The following LPAR1 variants were observed in gnomAD, a reference collection of about 807,000 sequenced individuals.
LPAR1 encodes the protein lysophosphatidic acid receptor 1, also known as LPA receptor 1.
In LPAR1, 5 loss-of-function variants were observed where a neutral mutation model predicts 23.8. That is an observed-to-expected ratio of 0.21 (90% CI 0.11 to 0.44). The LOEUF (loss-of-function observed/expected upper bound fraction) is 0.44. LPAR1 is among the 20% of genes least tolerant of loss of function. The probability of loss-of-function intolerance (pLI) is 0.99; values close to 1 mark genes in which losing one functional copy is unlikely to be tolerated. For synonymous variants in LPAR1, 160 were observed against 164.7 expected (o/e 0.97, Z 0.22); for missense variants, 311 against 482.8 (o/e 0.64, Z 3.33).
intron 5 of LPAR1, among the ~76,000 whole-genome samples, chr9:110,900,726 T>C (rs1332099060): frequency 6.6e-6 from 1 of 152,220 alleles, no homozygotes; most frequent in Admixed American, 6.5e-5. Context: ...TTCTGAATCT[T>C]TGGGTGTTTC....
chr9:110,883,095 A>C (rs2081319403), intron 5 of LPAR1, among the ~76,000 whole-genome samples: 1 of 152,208 alleles, frequency 6.6e-6, no homozygotes, highest in South Asian at 2.1e-4. Context: ...GCTGGAGTGC[A>C]GTGGCATGAT....
At chr9:111,011,786 G>C (rs2097336391) in intron 2 of LPAR1, among the ~76,000 whole-genome samples, 2 of 152,158 alleles carry the variant, frequency 1.3e-5, no homozygotes, top group South Asian at 2.1e-4. Context: ...GAGGTGTTTA[G>C]AGAGCACATT....
intron 4 of LPAR1, among the ~76,000 whole-genome samples, chr9:110,951,552 G>A (rs2095569390): frequency 6.6e-6 from 1 of 152,084 alleles, no homozygotes; most frequent in African/African-American, 2.4e-5. Context: ...ACATTTACAG[G>A]GAATCAGAGA....
At chr9:110,945,657 A>T (rs888227041) in intron 4 of LPAR1, among the ~76,000 whole-genome samples, 2 of 152,202 alleles carry the variant, frequency 1.3e-5, no homozygotes, top group African/African-American at 4.8e-5. Flanking sequence ...TAGAGGTCAG[A>T]AGTCCAAAAT....
At chr9:110,907,809 A>C (rs1264762820) in intron 5 of LPAR1, among the ~76,000 whole-genome samples, 1 of 152,140 alleles carries the variant, frequency 6.6e-6, no homozygotes. Flanking sequence ...TACAGAGAGC[A>C]TAAGGATGGT....
At chr9:110,954,897 T>A (rs937393327) in intron 4 of LPAR1, among the ~76,000 whole-genome samples, 1 of 151,968 alleles carries the variant, frequency 6.6e-6, no homozygotes, top group Non-Finnish European at 1.5e-5. Flanking sequence ...TCTACCATCA[T>A]GAAAACATAC....
intron 4 of LPAR1, among the ~76,000 whole-genome samples, chr9:110,960,718 A>C (rs2095939142): frequency 6.6e-6 from 1 of 152,178 alleles, no homozygotes; most frequent in Non-Finnish European, 1.5e-5. Flanking sequence ...GGGAATGTTA[A>C]TTTACTCATC....
intron 4 of LPAR1, among the ~76,000 whole-genome samples, chr9:110,958,169 A>G (rs1456924679): frequency 6.6e-6 from 1 of 152,222 alleles, no homozygotes; most frequent in Non-Finnish European, 1.5e-5. Flanking sequence ...CAATCTACAG[A>G]TTCAATGCAA....
At chr9:111,024,941 G>A (rs2097659823) in intron 2 of LPAR1, among the ~76,000 whole-genome samples, 1 of 152,052 alleles carries the variant, frequency 6.6e-6, no homozygotes, top group Non-Finnish European at 1.5e-5. Flanking sequence ...TCTTTATCCA[G>A]TCTATCATTG....
At chr9:110,933,382 G>A (rs2135786839) in intron 5 of LPAR1, among the ~76,000 whole-genome samples, 1 of 152,280 alleles carries the variant, frequency 6.6e-6, no homozygotes, top group Middle Eastern at 3.4e-3. Flanking sequence ...TAAGAGTAAT[G>A]ATAATACTTG....
At chr9:110,924,503 T>C (rs1392052023) in intron 5 of LPAR1, among the ~76,000 whole-genome samples, 1 of 151,954 alleles carries the variant, frequency 6.6e-6, no homozygotes, top group Non-Finnish European at 1.5e-5. Context: ...GATTTTCTTT[T>C]TTTTCCTTAA....
intron 4 of LPAR1, 130 bp downstream of exon 4, chr9:110,971,943 C>T (rs1033710607): frequency 3.8e-6 from 3 of 791,460 alleles, no homozygotes; most frequent in East Asian, 2.5e-5. Context: ...CACCATTATT[C>T]GAATACACAC....
intron 5 of LPAR1, among the ~76,000 whole-genome samples, chr9:110,903,868 T>G (rs1336326590): frequency 7.7e-6 from 1 of 130,134 alleles, no homozygotes; most frequent in Non-Finnish European, 1.6e-5. Flanking sequence ...ATTAAAATTT[T>G]GATAAGTGAA....
chr9:111,031,624 C>T (rs748507023), intron 2 of LPAR1, among the ~76,000 whole-genome samples: 3 of 151,908 alleles, frequency 2.0e-5, no homozygotes, highest in Non-Finnish European at 2.9e-5. Context: ...TGACTTTCTA[C>T]AGGCACTAGG....
intron 2 of LPAR1, among the ~76,000 whole-genome samples, chr9:110,983,709 A>G (rs1000575495): frequency 6.6e-6 from 1 of 152,078 alleles, no homozygotes; most frequent in African/African-American, 2.4e-5. Context: ...GAAGTAAATG[A>G]TAAGTGCAAA....
intron 4 of LPAR1, among the ~76,000 whole-genome samples, chr9:110,957,773 T>C (rs931369611): frequency 6.6e-6 from 1 of 152,036 alleles, no homozygotes; most frequent in African/African-American, 2.4e-5. Context: ...GGCATCCAAA[T>C]TGGAAAAGAG....
intron 1 of LPAR1, among the ~76,000 whole-genome samples, chr9:111,037,638 G>A (rs1179485970): frequency 9.2e-5 from 14 of 152,242 alleles, no homozygotes; most frequent in Admixed American, 7.2e-4. Flanking sequence ...TCAGCCCGGT[G>A]GTGGGGGACA....
At chr9:110,926,348 A>G (rs755337704) in intron 5 of LPAR1, among the ~76,000 whole-genome samples, 10 of 152,222 alleles carry the variant, frequency 6.6e-5, no homozygotes, top group Non-Finnish European at 1.0e-4. Flanking sequence ...TTTTTCTACA[A>G]AAGTTTCCAT....
At chr9:110,960,783 T>C (rs937821378) in intron 4 of LPAR1, among the ~76,000 whole-genome samples, 12 of 152,196 alleles carry the variant, frequency 7.9e-5, no homozygotes, top group Admixed American at 6.5e-5. Flanking sequence ...GAGAACTCTA[T>C]TTCTGTGACA....
Sources: allele counts gnomAD v4.1 joint callset (sites outside exome capture counted in the v4.1 genomes callset), GRCh38; gene constraint gnomAD v4.1.1; transcripts MANE v1.5; gene names NCBI Gene and HGNC (gene_info 2026-07-23, HGNC 2026-07-21).